ZNF521: variants seen among roughly 807,000 people sequenced by gnomAD.
ZNF521 encodes zinc finger protein 521, also known as LYST-interacting protein 3.
Under a neutral mutation model 105.5 loss-of-function variants are expected in ZNF521, and 14 were observed. The ratio of observed to expected loss-of-function variants is 0.13; its 90% confidence interval spans 0.09 to 0.21. ZNF521 has a LOEUF of 0.21. Among genes scored for constraint, ZNF521 ranks in the 10% least tolerant of loss-of-function variants. The pLI is 1.00. For missense variants in ZNF521, 1,233 were observed against 1,629.7 expected, an observed-to-expected ratio of 0.76 and a Z score of 4.19; for synonymous variants, 635 against 606.0, an observed-to-expected ratio of 1.05 and a Z score of -0.70.
intron 5 of ZNF521, among the ~76,000 whole-genome samples, chr18:25,178,043 T>C (rs1004024614): frequency 3.3e-5 from 5 of 152,224 alleles, no homozygotes; most frequent in African/African-American, 1.2e-4. Context: ...TTCTGGCATC[T>C]AATAAATTAT....
At chr18:25,104,442 G>A (rs2034030949) in intron 5 of ZNF521, among the ~76,000 whole-genome samples, 2 of 152,254 alleles carry the variant, frequency 1.3e-5, no homozygotes, top group Non-Finnish European at 2.9e-5. Context: ...CTGATGCCAA[G>A]GACTGTAAAG....
At chr18:25,322,527 C>T in intron 2 of ZNF521, among the ~76,000 whole-genome samples, 1 of 102,128 alleles carries the variant, frequency 9.8e-6, no homozygotes, top group Non-Finnish European at 2.0e-5. Context: ...ATTAAACAGT[C>T]TCCAATGCAA....
chr18:25,307,366 T>C (rs1423728122), intron 3 of ZNF521, among the ~76,000 whole-genome samples: 2 of 152,198 alleles, frequency 1.3e-5, no homozygotes, highest in African/African-American at 2.4e-5. Flanking sequence ...AAAACTCAAA[T>C]GGAATCTGAC....
intron 5 of ZNF521, among the ~76,000 whole-genome samples, chr18:25,115,793 G>A (rs1300422707): frequency 3.9e-5 from 6 of 152,126 alleles, no homozygotes; most frequent in African/African-American, 1.4e-4. Flanking sequence ...CAGGGGAGTG[G>A]GTTTTGAGGG....
chr18:25,308,526 TTTCTC>T (rs1448533955), intron 3 of ZNF521, among the ~76,000 whole-genome samples: 3 of 152,054 alleles, frequency 2.0e-5, no homozygotes, highest in African/African-American at 7.2e-5. Flanking sequence ...TTTCCTATTC[TTTCTC>T]TTCTGTCGAC....
chr18:25,234,718 A>G (rs1349906403), intron 3 of ZNF521, among the ~76,000 whole-genome samples: 1 of 152,200 alleles, frequency 6.6e-6, no homozygotes, highest in Non-Finnish European at 1.5e-5. Flanking sequence ...GTGGTAAATG[A>G]TAACTCATAA....
At chr18:25,329,351 A>AAGGAGAGAAAG (rs1280159036) in intron 2 of ZNF521, among the ~76,000 whole-genome samples, 1 of 152,184 alleles carries the variant, frequency 6.6e-6, no homozygotes, top group Non-Finnish European at 1.5e-5. Context: ...TGACTGGCAC[A>AAGGAGAGAAAG]AGGAGAGAAA....
chr18:25,159,102 C>T (rs762467889), intron 5 of ZNF521, among the ~76,000 whole-genome samples: 3 of 152,030 alleles, frequency 2.0e-5, no homozygotes, highest in African/African-American at 7.2e-5. Context: ...GTGATTTGCC[C>T]GGTTGCCCCC....
chr18:25,167,661 A>G (rs185620249), intron 5 of ZNF521, among the ~76,000 whole-genome samples: 16 of 152,330 alleles, frequency 1.1e-4, no homozygotes, highest in Admixed American at 3.9e-4. Context: ...CTGTTGCATG[A>G]GTATTCTAGC....
chr18:25,173,237 T>C (rs1386374616), intron 5 of ZNF521, among the ~76,000 whole-genome samples: 1 of 152,206 alleles, frequency 6.6e-6, no homozygotes, highest in African/African-American at 2.4e-5. Flanking sequence ...TTTACATGGC[T>C]GATGGAACGC....
intron 3 of ZNF521, among the ~76,000 whole-genome samples, chr18:25,234,826 T>TTCTGTTTA (rs1464966068): frequency 2.0e-5 from 3 of 152,070 alleles, no homozygotes; most frequent in Non-Finnish European, 4.4e-5. Flanking sequence ...TAAAGGGCAT[T>TTCTGTTTA]TCTGTTTATA....
chr18:25,343,034 AAGTTAT>A (rs1378553821), intron 2 of ZNF521, among the ~76,000 whole-genome samples: 1 of 152,230 alleles, frequency 6.6e-6, no homozygotes, highest in Non-Finnish European at 1.5e-5. Flanking sequence ...ATAATATGGC[AAGTTAT>A]AGTTTACTGT....
rs1600174909 is a variant in ZNF521, at chr18:25,224,276, A to G, written c.3573+69T>C. On this transcript the variant is annotated intron_variant, in intron 4 of 7. Coordinates refer to ENST00000361524, the MANE Select transcript of ZNF521 (RefSeq NM_015461.3). ...CATGACAATAAATAAAGCTGTGGAG[A>G]GTGTAAACATAAAGCAGGGACCGTT... The G allele has an allele frequency of 2.2e-6, 3 of 1,336,828 alleles. No homozygotes were observed. In the East Asian group the frequency reaches 7.0e-5, roughly 31 times the overall value. The allele number at this position is 1,336,828 out of a possible 1,614,324, so 82.8% of individuals were successfully genotyped here.
intron 5 of ZNF521, among the ~76,000 whole-genome samples, chr18:25,101,047 A>G (rs2033956484): frequency 6.6e-6 from 1 of 152,220 alleles, no homozygotes; most frequent in African/African-American, 2.4e-5. Context: ...GATTTTAAAG[A>G]AACTACAGAT....
chr18:25,157,690 C>A (rs2035172612), intron 5 of ZNF521, among the ~76,000 whole-genome samples: 1 of 152,136 alleles, frequency 6.6e-6, no homozygotes, highest in Non-Finnish European at 1.5e-5. Flanking sequence ...CTCTGAACTT[C>A]CAAACTGCTC....
In ZNF521 at chr18:25,225,701, G is replaced by A; in HGVS notation, c.2217C>T (p.Leu739=). 1 of 1,614,192 alleles carries A rather than the reference G, an allele frequency of 6.2e-7. No homozygotes were observed. Among genetic ancestry groups the A allele is most frequent in the Non-Finnish European group, 8.5e-7 (1 of 1,180,028 alleles). The change falls in exon 4 of 8, where the codon CTC becomes CTT. Residue 739 remains leucine (L), a synonymous_variant. Transcript: ENST00000361524. The surrounding 1 kb of genome is among the most constrained non-coding windows in gnomAD (Gnocchi z 5.6). The part of the protein sequence containing the change: ...EVFDSKVSIQ[L]HLAVKHSNEK... The stretch of plus-strand genomic sequence containing the variant: ...CGTTACTGTGCTTCACAGCCAAGTG[G>A]AGCTGAATGGAGACTTTTGAGTCAA...
chr18:25,089,052 C>T (rs1042610610), intron 7 of ZNF521, among the ~76,000 whole-genome samples: 1 of 152,162 alleles, frequency 6.6e-6, no homozygotes, highest in African/African-American at 2.4e-5. Flanking sequence ...TTCTTTTCTT[C>T]CCCTCTCCCT....
intron 2 of ZNF521, among the ~76,000 whole-genome samples, chr18:25,323,996 C>G (rs1913072338): frequency 6.6e-6 from 1 of 151,808 alleles, no homozygotes; most frequent in Admixed American, 6.6e-5. Context: ...AAAATTAACA[C>G]ACTGTTTAAG....
chr18:25,123,424 G>A (rs956632805), intron 5 of ZNF521, among the ~76,000 whole-genome samples: 2 of 152,118 alleles, frequency 1.3e-5, no homozygotes, highest in South Asian at 2.1e-4. Context: ...AAATAATTCC[G>A]TGAAATAAGA....
Sources: allele counts gnomAD v4.1 joint callset (sites outside exome capture counted in the v4.1 genomes callset), GRCh38; gene constraint gnomAD v4.1.1; non-coding constraint Gnocchi (gnomAD v3.1); transcripts MANE v1.5; gene names NCBI Gene and HGNC (gene_info 2026-07-23, HGNC 2026-07-21).